Variants in ZBBX observed in about 807,000 individuals in gnomAD.
ZBBX encodes the protein zinc finger B-box domain-containing protein 1.
In ZBBX, 101 loss-of-function variants were observed where a neutral mutation model predicts 108.5. That is an observed-to-expected ratio of 0.93 (90% confidence interval 0.79 to 1.10). ZBBX has a LOEUF of 1.10. Ranked by LOEUF, ZBBX falls within the 50% of genes least tolerant of loss-of-function variation. ZBBX has a pLI of 0.00. For synonymous variants in ZBBX, 356 were observed against 323.4 expected, an observed-to-expected ratio of 1.10 and a Z score of -1.08; for missense variants, 1,009 against 941.4, an observed-to-expected ratio of 1.07 and a Z score of -0.94.
intron 9 of ZBBX, among the ~76,000 whole-genome samples, chr3:167,335,833 G>C (rs1739451286): frequency 1.3e-5 from 2 of 151,828 alleles, no homozygotes; most frequent in East Asian, 3.9e-4. Flanking sequence ...CTGTCTGTAT[G>C]CAAATCTGTG....
rs372058855 is a variant in ZBBX, at chr3:167,358,114, A to C, written c.432+1756T>G. Among the ~76,000 whole-genome samples, 184 of 152,032 alleles carry C rather than the reference A, an allele frequency of 1.2e-3. 3 individuals are homozygous for C. In the East Asian group the frequency reaches 0.029, roughly 24 times the overall value. ...GCACACCAGCATGGCACATGTATAC[A>C]TATGTAACTAACCTGCACATTGTGC... On this transcript the variant is annotated intron_variant, in intron 8 of 21. Transcript: ENST00000675490.
At chr3:167,289,346 C>T (rs1730250645) in intron 18 of ZBBX, among the ~76,000 whole-genome samples, 2 of 152,166 alleles carry the variant, frequency 1.3e-5, no homozygotes, top group African/African-American at 4.8e-5. Flanking sequence ...CTCCAGTCTG[C>T]AGCTCCCAGT....
the ZBBX span, among the ~76,000 whole-genome samples, chr3:167,202,090 T>C: frequency 6.6e-6 from 1 of 152,126 alleles, no homozygotes; most frequent in South Asian, 2.1e-4. Context: ...CAGGTGGCAT[T>C]ACATTTACCA....
At chr3:167,196,173 A>G in the ZBBX span, among the ~76,000 whole-genome samples, 1 of 152,194 alleles carries the variant, frequency 6.6e-6, no homozygotes, top group Middle Eastern at 3.2e-3. Flanking sequence ...CTGATGTATC[A>G]GTGTCTGTGG....
the ZBBX span, among the ~76,000 whole-genome samples, chr3:167,196,842 G>A: frequency 6.6e-6 from 1 of 151,734 alleles, no homozygotes; most frequent in Non-Finnish European, 1.5e-5. Flanking sequence ...AAAAAAAAAT[G>A]TATCCTTTTC....
intron 20 of ZBBX, among the ~76,000 whole-genome samples, chr3:167,273,593 C>T (rs1726933388): frequency 6.6e-6 from 1 of 152,044 alleles, no homozygotes; most frequent in Admixed American, 6.6e-5. Context: ...TAAGCCTTTG[C>T]AGGAGCTTAC....
downstream of ZBBX, among the ~76,000 whole-genome samples, chr3:167,236,894 T>C (rs1259189097): frequency 6.6e-6 from 1 of 151,574 alleles, no homozygotes; most frequent in Non-Finnish European, 1.5e-5. Flanking sequence ...CGAGAAACAA[T>C]GAAGAAAAAA....
At chr3:167,336,765 A>G (rs1417196352) in intron 9 of ZBBX, among the ~76,000 whole-genome samples, 1 of 152,228 alleles carries the variant, frequency 6.6e-6, no homozygotes, top group Non-Finnish European at 1.5e-5. Context: ...AAAAACTCAC[A>G]AAACTTTAAT....
chr3:167,219,137 A>T, the ZBBX span, among the ~76,000 whole-genome samples: 1 of 152,090 alleles, frequency 6.6e-6, no homozygotes, highest in South Asian at 2.1e-4. Flanking sequence ...TATACAAAAC[A>T]AATATTAGAG....
chr3:167,337,022 T>G (rs1739663274), intron 9 of ZBBX, among the ~76,000 whole-genome samples: 1 of 152,148 alleles, frequency 6.6e-6, no homozygotes, highest in African/African-American at 2.4e-5. Flanking sequence ...GGTTTGGAAC[T>G]CAACAGACTT....
At chr3:167,347,139 GC>G (rs1741611792) in intron 9 of ZBBX, among the ~76,000 whole-genome samples, 2 of 151,820 alleles carry the variant, frequency 1.3e-5, no homozygotes, top group Admixed American at 1.3e-4. Context: ...TGTTCACTGT[GC>G]TCTATTTACA....
intron 20 of ZBBX, among the ~76,000 whole-genome samples, chr3:167,277,118 C>T (rs1192225290): frequency 1.2e-4 from 18 of 151,888 alleles, no homozygotes; most frequent in East Asian, 5.8e-4. Context: ...AAGGAACAAC[C>T]GGTACCAGCT....
the ZBBX span, among the ~76,000 whole-genome samples, chr3:167,223,845 C>T: frequency 6.6e-5 from 10 of 151,980 alleles, no homozygotes; most frequent in Admixed American, 6.6e-4. Flanking sequence ...TTTTTATGTC[C>T]TTATTGCTCC....
the ZBBX span, among the ~76,000 whole-genome samples, chr3:167,186,597 C>T: frequency 6.6e-6 from 1 of 152,094 alleles, no homozygotes; most frequent in Non-Finnish European, 1.5e-5. Flanking sequence ...AACTACATTG[C>T]TTAATTCCTT....
intron 6 of ZBBX, among the ~76,000 whole-genome samples, chr3:167,361,376 C>T (rs78570687): frequency 0.042 from 6,362 of 152,160 alleles, 460 homozygotes; most frequent in African/African-American, 0.15. Flanking sequence ...AACATGCTTG[C>T]CTTGATCTTA....
the ZBBX span, among the ~76,000 whole-genome samples, chr3:167,222,981 T>C: frequency 3.3e-5 from 5 of 151,986 alleles, no homozygotes; most frequent in East Asian, 1.9e-4. Context: ...GTTGAGGTGA[T>C]GGACACCCAA....
chr3:167,354,073 A>G (rs1478762563), intron 8 of ZBBX, among the ~76,000 whole-genome samples: 1 of 152,010 alleles, frequency 6.6e-6, no homozygotes, highest in East Asian at 1.9e-4. Flanking sequence ...CTAACCTTAA[A>G]TGTGCTCAAA....
chr3:167,397,699 T>A (rs1748293469), intron 1 of ZBBX, among the ~76,000 whole-genome samples: 1 of 151,704 alleles, frequency 6.6e-6, no homozygotes, highest in African/African-American at 2.4e-5. Context: ...ATGACAAAAC[T>A]TATAAGGCTA....
At chr3:167,301,954 TAAAA>T (rs71176635) in intron 17 of ZBBX, among the ~76,000 whole-genome samples, 1,692 of 92,126 alleles carry the variant, frequency 0.018, 32 homozygotes, top group African/African-American at 0.061. Context: ...AAGACTCCGT[TAAAA>T]AAAAAAAAAA....
Sources: allele counts gnomAD v4.1 joint callset (sites outside exome capture counted in the v4.1 genomes callset), GRCh38; gene constraint gnomAD v4.1.1; transcripts MANE v1.5; gene names NCBI Gene and HGNC (gene_info 2026-07-23, HGNC 2026-07-21).